The following UBE3C variants were observed in gnomAD, a reference collection of about 807,000 sequenced individuals.
UBE3C encodes ubiquitin-protein ligase E3C.
UBE3C carries 42 observed loss-of-function variants against 129.4 expected under a neutral mutation model. That is an observed-to-expected ratio of 0.32 (90% CI 0.25 to 0.42). The LOEUF (loss-of-function observed/expected upper bound fraction) is 0.42, where lower values mean the gene tolerates loss of function less well. Ranked by LOEUF, UBE3C falls within the 10% of genes least tolerant of loss-of-function variation. The pLI is 1.00. For missense variants in UBE3C, 1,049 were observed against 1,319.1 expected (o/e 0.80, Z 3.17); for synonymous variants, 510 against 492.4 (o/e 1.04, Z -0.47).
intron 18 of UBE3C, among the ~76,000 whole-genome samples, chr7:157,245,882 T>C (rs1237970631): frequency 6.7e-6 from 1 of 149,106 alleles, no homozygotes; most frequent in African/African-American, 2.5e-5. Context: ...TCCCAGCTAC[T>C]CAGGAAACTG....
In UBE3C at chr7:157,254,064, C is replaced by G. The variant is rs1335460678; in HGVS notation, c.2805C>G (p.His935Gln). 1 of 1,613,556 alleles carries G rather than the reference C, an allele frequency of 6.2e-7. No homozygotes were observed. The highest frequency in any genetic ancestry group is 8.5e-7 in the Non-Finnish European group (1 of 1,179,880). ...GGCTGAACAGGCAGATCCGCCAGCA[C>G]TGCCTGGCTTTCCGCCAGGGCCTTG... The part of the protein sequence containing the change: ...DYRLNRQIRQ[H>Q]CLAFRQGLAN... Residue 935 changes from histidine to glutamine, a missense_variant, in exon 20 of 23, where the codon CAC (histidine) becomes CAG (glutamine). His to Gln is a conservative substitution (Grantham distance 24). Around this residue, in one of 4 missense-constraint regions of UBE3C, gnomAD observed 243 missense variants for 368.7 expected, o/e 0.66. Coordinates refer to ENST00000348165, the MANE Select transcript of UBE3C (RefSeq NM_014671.3).
At chr7:157,241,197 G>T (rs1288111700) in intron 18 of UBE3C, among the ~76,000 whole-genome samples, 1 of 152,146 alleles carries the variant, frequency 6.6e-6, no homozygotes. Flanking sequence ...GTGGGAAAAT[G>T]GACTGCTGAG....
chr7:157,230,972 G>A (rs1796008667), intron 17 of UBE3C, 108 bp from the exon 18 acceptor site: 1 of 1,435,484 alleles, frequency 7.0e-7, no homozygotes, highest in African/African-American at 1.4e-5. Context: ...ATGTTAAAAT[G>A]TCCCTAAGAT....
In UBE3C at chr7:157,170,440, C is replaced by G. The variant is rs1438436294; in HGVS notation, c.332C>G (p.Ser111Ter). Residue 111 changes from serine (S) to a stop codon, truncating the protein, a stop_gained, in exon 4 of 23, where the codon TCA (serine) becomes TGA (stop). Transcript: ENST00000348165. LOFTEE classifies it high-confidence loss of function. ...LLFFYKQNED[S>*]KRLIWLYQNL... The stretch of plus-strand genomic sequence containing the variant: ...TTTTTTTACAAACAAAATGAAGACT[C>G]AAAACGTTTGGTGAGTGTTAACTAC... 1 of 1,551,140 alleles carries G rather than the reference C, an allele frequency of 6.4e-7. No individual in the cohort carries two copies. Among genetic ancestry groups the G allele is most frequent in the African/African-American group, 1.4e-5 (1 of 71,046 alleles).
chr7:157,223,411 C>CT, intron 16 of UBE3C, 60 bp downstream of exon 16: 1 of 1,423,006 alleles, frequency 7.0e-7, no homozygotes, highest in Non-Finnish European at 9.6e-7. Flanking sequence ...GAAATTAACA[C>CT]ACACCCACCA....
intron 22 of UBE3C, among the ~76,000 whole-genome samples, chr7:157,259,851 G>A (rs940262513): frequency 7.9e-5 from 12 of 152,148 alleles, no homozygotes; most frequent in Admixed American, 7.9e-4. Flanking sequence ...AGTAAGTCAA[G>A]TACACCTCAA....
In UBE3C at chr7:157,182,112, C is replaced by A. The variant is rs2116923114; in HGVS notation, c.775C>A (p.Gln259Lys). ...GCTTCTGTTTTTCTTTTTCAGGCAA[C>A]AAGTTTTTACAGCCTTCACAGAGGA... ...YNSCPEGARQ[Q>K]VFTAFTEEFL... Residue 259 changes from glutamine (Q) to lysine (K), a missense_variant, in exon 8 of 23, where the codon CAA becomes AAA. By Grantham distance (53) the Gln-to-Lys change is moderately conservative. Coordinates refer to ENST00000348165, the MANE Select transcript of UBE3C (RefSeq NM_014671.3). 1 of 1,554,256 alleles carries A rather than the reference C, an allele frequency of 6.4e-7. No homozygotes were observed. The highest frequency in any genetic ancestry group is 8.6e-7 in the Non-Finnish European group (1 of 1,156,744).
rs561809642 is a variant in UBE3C, at chr7:157,166,994, A to G, written c.121-2054A>G. On this transcript the variant is annotated intron_variant, in intron 2 of 22. Transcript: ENST00000348165. ...ACCCAGGCTGGAGTGCAGTGACATG[A>G]TCTCAGCTCACTGCAACCTCCACCT... Among the ~76,000 whole-genome samples, 190 of 152,002 alleles carry G rather than the reference A, an allele frequency of 1.2e-3. 1 individual carries two copies. Among genetic ancestry groups the G allele is most frequent in the African/African-American group, 4.5e-3 (186 of 41,458 alleles).
At chr7:157,224,775 T>TATACAC (rs1554433620) in intron 16 of UBE3C, among the ~76,000 whole-genome samples, 1 of 146,936 alleles carries the variant, frequency 6.8e-6, no homozygotes, top group Non-Finnish European at 1.5e-5. Flanking sequence ...TGCACGTGCG[T>TATACAC]ACACACACAC....
At chr7:157,201,637 C>CTTTTTTT (rs10713758) in intron 10 of UBE3C, 84 bp from the exon 11 acceptor site, 51 of 223,156 alleles carry the variant, frequency 2.3e-4, no homozygotes, top group Middle Eastern at 1.4e-3. Flanking sequence ...CAGTGTATCG[C>CTTTTTTT]TTTTTTTTTT....
chr7:157,247,507 T>C (rs1189975221), intron 18 of UBE3C, among the ~76,000 whole-genome samples: 1 of 152,012 alleles, frequency 6.6e-6, no homozygotes, highest in East Asian at 1.9e-4. Context: ...GCCTGGCCAA[T>C]ATGGCAAAAC....
intron 18 of UBE3C, among the ~76,000 whole-genome samples, chr7:157,238,764 A>T (rs777823319): frequency 1.3e-5 from 2 of 152,108 alleles, no homozygotes; most frequent in Non-Finnish European, 1.5e-5. Context: ...AAGAGAAGAG[A>T]TGAAGAACTG....
chr7:157,227,162 A>G (rs1366224875), intron 17 of UBE3C, among the ~76,000 whole-genome samples: 1 of 152,148 alleles, frequency 6.6e-6, no homozygotes, highest in Non-Finnish European at 1.5e-5. Flanking sequence ...AGATGTGACA[A>G]AACAATGAGT....
At chr7:157,146,099 CTG>C (rs1356710946) in intron 1 of UBE3C, among the ~76,000 whole-genome samples, 1 of 152,164 alleles carries the variant, frequency 6.6e-6, no homozygotes, top group Non-Finnish European at 1.5e-5. Flanking sequence ...GATATAAAAT[CTG>C]TGTCTAGATT....
intron 4 of UBE3C, among the ~76,000 whole-genome samples, chr7:157,171,792 C>T (rs1353040044): frequency 7.0e-6 from 1 of 143,430 alleles, no homozygotes; most frequent in African/African-American, 2.6e-5. Context: ...CTGTAACCTC[C>T]GCCTCACGGG....
chr7:157,253,851 AAGC>A, intron 19 of UBE3C, 100 bp from the exon 20 acceptor site: 1 of 1,129,830 alleles, frequency 8.9e-7, no homozygotes, highest in South Asian at 1.7e-5. Flanking sequence ...CTTGTTCACA[AAGC>A]ATCAAGTCCT....
intron 1 of UBE3C, among the ~76,000 whole-genome samples, chr7:157,159,304 T>TG (rs1808001870): frequency 6.9e-6 from 1 of 144,584 alleles, no homozygotes; most frequent in Non-Finnish European, 1.5e-5. Context: ...AGCAGGCATG[T>TG]GGGGAAAAAA....
chr7:157,181,819 T>G (rs1808673889), intron 7 of UBE3C, 148 bp downstream of exon 7: 1 of 1,139,320 alleles, frequency 8.8e-7, no homozygotes, highest in Non-Finnish European at 1.2e-6. Flanking sequence ...AAAGTGTACT[T>G]TTTCTTTCTG....
In UBE3C at chr7:157,224,105, C is replaced by T. The variant is rs564682249; in HGVS notation, c.2100+754C>T. Among the ~76,000 whole-genome samples, 8 of 152,134 alleles carry T rather than the reference C, an allele frequency of 5.3e-5. No homozygotes were observed. The East Asian group carries it at 5.8e-4, about 11-fold the overall frequency. ...CTCACAGCAGCCTCAAACTCCTGGG[C>T]GCAAGCCACCATCTCACCTTGACCT... On this transcript the variant is annotated intron_variant, in intron 16 of 22. Coordinates refer to ENST00000348165, the MANE Select transcript of UBE3C (RefSeq NM_014671.3).
Sources: gnomAD v4.1 joint callset for allele counts (sites outside exome capture counted in the v4.1 genomes callset) on GRCh38, gnomAD v4.1.1 for gene constraint, gnomAD v4.1.1 regional missense constraint, MANE v1.5 for transcripts, NCBI Gene and HGNC (gene_info 2026-07-23, HGNC 2026-07-21) for gene names.